The following CADM2 variants were observed in gnomAD, a reference collection of about 807,000 sequenced individuals.
The protein encoded by CADM2 is cell adhesion molecule 2.
CADM2 carries 12 observed loss-of-function variants against 49.8 expected under a neutral mutation model. That is an observed-to-expected ratio of 0.24 (90% CI 0.15 to 0.39). The LOEUF (loss-of-function observed/expected upper bound fraction) is 0.39, where lower values mean the gene tolerates loss of function less well. CADM2 is among the 10% of genes least tolerant of loss of function. The pLI is 1.00. For missense variants in CADM2, 378 were observed against 492.3 expected (o/e 0.77, Z 2.20); for synonymous variants, 214 against 175.4 (o/e 1.22, Z -1.74).
At chr3:85,550,780 C>A (rs2061782730) in intron 1 of CADM2, among the ~76,000 whole-genome samples, 1 of 152,074 alleles carries the variant, frequency 6.6e-6, no homozygotes, top group South Asian at 2.1e-4. Context: ...CCCCTACCTT[C>A]CTCTCCCGTC....
chr3:86,018,874 T>A (rs1397997137), intron 8 of CADM2, among the ~76,000 whole-genome samples: 5 of 150,740 alleles, frequency 3.3e-5, no homozygotes, highest in Admixed American at 6.7e-5. Flanking sequence ...AGAAGCTCTT[T>A]AGTTTAATTA....
chr3:85,342,077 C>A (rs2029899736), intron 1 of CADM2, among the ~76,000 whole-genome samples: 1 of 152,050 alleles, frequency 6.6e-6, no homozygotes, highest in South Asian at 2.1e-4. Flanking sequence ...GAACAGGCAA[C>A]CTACAGAATG....
intron 1 of CADM2, among the ~76,000 whole-genome samples, chr3:85,265,321 T>G (rs1006690550): frequency 4.0e-5 from 6 of 151,882 alleles, no homozygotes; most frequent in Non-Finnish European, 8.8e-5. Context: ...GTTAGTATTT[T>G]TATGCTGCTA....
chr3:85,623,817 A>G (rs528645293), intron 1 of CADM2, among the ~76,000 whole-genome samples: 1 of 152,330 alleles, frequency 6.6e-6, no homozygotes, highest in African/African-American at 2.4e-5. Context: ...TTTTATGAAT[A>G]GTTTAGAGAT....
At chr3:85,854,081 G>A (rs1431142161) in intron 3 of CADM2, among the ~76,000 whole-genome samples, 1 of 152,032 alleles carries the variant, frequency 6.6e-6, no homozygotes, top group South Asian at 2.1e-4. Flanking sequence ...AGTAAGACAT[G>A]ATGTTATTTT....
intron 1 of CADM2, among the ~76,000 whole-genome samples, chr3:85,061,152 A>C (rs868579634): frequency 5.3e-5 from 8 of 152,168 alleles, no homozygotes; most frequent in African/African-American, 1.9e-4. Flanking sequence ...GCCATCTAAA[A>C]GAGGTAGTTT....
At chr3:85,449,083 A>ATAATTATT (rs59973385) in intron 1 of CADM2, among the ~76,000 whole-genome samples, 5 of 148,230 alleles carry the variant, frequency 3.4e-5, no homozygotes, top group African/African-American at 7.3e-5. Flanking sequence ...TAATGATAAA[A>ATAATTATT]ATTATATAAT....
intron 6 of CADM2, among the ~76,000 whole-genome samples, chr3:85,921,011 C>A (rs545730546): frequency 7.9e-5 from 12 of 151,550 alleles, no homozygotes; most frequent in Admixed American, 2.0e-4. Flanking sequence ...AACATAACAT[C>A]AAAATTATGG....
chr3:85,752,929 C>A (rs1485838053), intron 2 of CADM2, among the ~76,000 whole-genome samples: 1 of 152,116 alleles, frequency 6.6e-6, no homozygotes, highest in Non-Finnish European at 1.5e-5. Context: ...AACAAAGCAC[C>A]TTAAAAAATA....
intron 1 of CADM2, among the ~76,000 whole-genome samples, chr3:85,629,455 G>T (rs565633469): frequency 6.6e-6 from 1 of 151,882 alleles, no homozygotes; most frequent in East Asian, 1.9e-4. Flanking sequence ...GTTTGCATTG[G>T]TTAAAGTTTA....
At chr3:85,135,409 A>C (rs977660556) in intron 1 of CADM2, among the ~76,000 whole-genome samples, 4 of 152,040 alleles carry the variant, frequency 2.6e-5, no homozygotes, top group Admixed American at 2.6e-4. Context: ...TTGCTTTTCT[A>C]TTGGCACAAT....
rs1731652940 is a variant in CADM2, at chr3:86,012,522, C to A, written c.970+50875C>A. The A allele has an allele frequency of 5.3e-6, 7 of 1,328,320 alleles. No homozygotes were observed. The East Asian group carries it at 1.7e-4, about 32-fold the overall frequency. The allele number at this position is 1,328,320 out of a possible 1,614,324, so 82.3% of individuals were successfully genotyped here. A position where few individuals can be genotyped will look rare whatever the true frequency, so the allele number is the denominator to read the frequency against. ...AGCGGGCGGACTGCCCTGAGGAGGC[C>A]GGGAGCGGAGGGCTGGGCCAGCCAG... On this transcript the variant is annotated intron_variant, in intron 8 of 9. Transcript: ENST00000383699.
At chr3:85,321,136 T>C (rs1468138106) in intron 1 of CADM2, among the ~76,000 whole-genome samples, 12 of 25,912 alleles carry the variant, frequency 4.6e-4, no homozygotes, top group East Asian at 2.1e-3. Flanking sequence ...TTTTTTTTTT[T>C]TTTTTTTTTT....
At chr3:85,943,095 A>G (rs1247723202) in intron 7 of CADM2, among the ~76,000 whole-genome samples, 2,684 of 151,864 alleles carry the variant, frequency 0.018, 38 homozygotes, top group South Asian at 0.047. Context: ...GTGAAGATGA[A>G]CATTTTTTCA....
chr3:85,097,563 A>C (rs2037847435), intron 1 of CADM2, among the ~76,000 whole-genome samples: 1 of 152,200 alleles, frequency 6.6e-6, no homozygotes, highest in Non-Finnish European at 1.5e-5. Flanking sequence ...TAGATCCCTG[A>C]GGAATCGCCA....
At chr3:85,532,543 G>A (rs2061338346) in intron 1 of CADM2, among the ~76,000 whole-genome samples, 1 of 152,058 alleles carries the variant, frequency 6.6e-6, no homozygotes, top group Non-Finnish European at 1.5e-5. Context: ...ACTCATAACG[G>A]AAAATTACTC....
intron 2 of CADM2, among the ~76,000 whole-genome samples, chr3:85,742,824 C>G (rs141772104): frequency 1.3e-5 from 2 of 152,150 alleles, no homozygotes; most frequent in African/African-American, 4.8e-5. Flanking sequence ...TCCAGTGGAG[C>G]TTGCTGGAGC....
At chr3:85,941,456 C>G (rs1211813148) in intron 7 of CADM2, among the ~76,000 whole-genome samples, 1 of 151,930 alleles carries the variant, frequency 6.6e-6, no homozygotes, top group Non-Finnish European at 1.5e-5. Context: ...AAAACTGATA[C>G]AGCAACTTCG....
chr3:85,819,086 C>T (rs112461099), intron 3 of CADM2, among the ~76,000 whole-genome samples: 6,628 of 151,824 alleles, frequency 0.044, 493 homozygotes, highest in African/African-American at 0.15. Flanking sequence ...CCCAGAACCC[C>T]TGGCAAACCA....
Sources: allele counts gnomAD v4.1 joint callset (sites outside exome capture counted in the v4.1 genomes callset), GRCh38; gene constraint gnomAD v4.1.1; transcripts MANE v1.5; gene names NCBI Gene and HGNC (gene_info 2026-07-23, HGNC 2026-07-21).